Variants in SYT7 observed in about 807,000 individuals in gnomAD.
SYT7 encodes synaptotagmin-7.
SYT7 carries 29 observed loss-of-function variants against 75.1 expected under a neutral mutation model. That is an observed-to-expected ratio of 0.39 (90% CI 0.29 to 0.53). The LOEUF (loss-of-function observed/expected upper bound fraction) is 0.53. Among genes scored for constraint, SYT7 ranks in the 20% least tolerant of loss-of-function variants. SYT7 has a pLI of 0.77. For synonymous variants in SYT7, 376 were observed against 401.7 expected, an observed-to-expected ratio of 0.94 and a Z score of 0.76; for missense variants, 693 against 953.2, an observed-to-expected ratio of 0.73 and a Z score of 3.59.
At position 61,524,459 on chromosome 11, in the gene SYT7, G is replaced by A. The variant is rs541789402; in HGVS notation, c.1545C>T (p.Asn515=). The A allele has an allele frequency of 1.1e-5, 18 of 1,613,436 alleles. No individual in the cohort carries two copies. Among genetic ancestry groups the A allele is most frequent in the African/African-American group, 5.3e-5 (4 of 75,050 alleles). The change falls in exon 10 of 13, where the codon AAC becomes AAT. Residue 515 remains asparagine, a synonymous_variant. Transcript: ENST00000539008. The surrounding 1 kb of genome is among the most constrained non-coding windows in gnomAD (Gnocchi z 4.1). Reference sequence around the variant, plus strand: ...GGATGGACACCTCCCCAATGGGGTCGTTGCGGCTGAAGCGGTCATAGTCCA... The same window carrying A: ...GGATGGACACCTCCCCAATGGGGTCATTGCGGCTGAAGCGGTCATAGTCCA... ...QVLDYDRFSR[N]DPIGEVSIPL...
At chr11:61,536,026 A>G (rs2062860253) in intron 7 of SYT7, among the ~76,000 whole-genome samples, 2 of 151,934 alleles carry the variant, frequency 1.3e-5, no homozygotes, top group Admixed American at 6.6e-5. Context: ...TGGGAAGGGG[A>G]GAGTCTGCTG....
intron 1 of SYT7, among the ~76,000 whole-genome samples, chr11:61,559,362 C>T (rs2063580669): frequency 3.3e-5 from 5 of 152,038 alleles, no homozygotes; most frequent in Admixed American, 3.3e-4. Context: ...AGGCACATGG[C>T]GTGAGGAGCC....
chr11:61,520,018 C>G (rs1368655366), intron 12 of SYT7, among the ~76,000 whole-genome samples: 3 of 135,692 alleles, frequency 2.2e-5, no homozygotes, highest in African/African-American at 7.6e-5. Flanking sequence ...ATGGGTTTCA[C>G]TATGTTGGGC....
intron 12 of SYT7, among the ~76,000 whole-genome samples, chr11:61,519,860 G>A (rs1035761932): frequency 5.3e-5 from 8 of 152,032 alleles, no homozygotes; most frequent in African/African-American, 4.8e-5. Flanking sequence ...CACTCTTGTC[G>A]CCCAGGCTAG....
At chr11:61,565,898 G>A (rs943581618) in intron 1 of SYT7, among the ~76,000 whole-genome samples, 1 of 152,294 alleles carries the variant, frequency 6.6e-6, no homozygotes, top group Non-Finnish European at 1.5e-5. Context: ...TAGGGAGAGT[G>A]CGCTGGCTGG....
chr11:61,551,552 AG>A lies in SYT7; in HGVS notation c.136-90del. 7.3e-7 allele frequency: 1 copy of A among 1,370,812 alleles called. No homozygotes were observed. Among genetic ancestry groups the A allele is most frequent in the Non-Finnish European group, 1.0e-6 (1 of 973,538 alleles). 84.9% of individuals were successfully genotyped at this position (1,370,812 alleles called of 1,614,324 possible). A position where few individuals can be genotyped will look rare whatever the true frequency, so the allele number is the denominator to read the frequency against. On this transcript the variant is annotated intron_variant, in intron 2 of 12. Transcript: ENST00000539008. The surrounding 1 kb of genome is among the most constrained non-coding windows in gnomAD (Gnocchi z 5.3). ...ACAGGGACCCGGAGGGGAAGGAGAT[AG>A]ACTGGAGTCGGGCCGTGGCAACAAG... is the stretch of plus-strand genomic sequence containing the variant.
Position 61,545,852 on chromosome 11 carries a change from G to A in SYT7, c.572+179C>T, listed in dbSNP as rs1238491557. Among the ~76,000 whole-genome samples the A allele has an allele frequency of 2.0e-5, 3 of 152,242 alleles. No individual in the cohort carries two copies. The South Asian group carries it at 6.2e-4, about 31-fold the overall frequency. On this transcript the variant is annotated intron_variant, in intron 5 of 12. Coordinates refer to ENST00000539008, the MANE Select transcript of SYT7 (RefSeq NM_001365809.2). ...GGCTGAAATGCATCACTGTATGGCTGAGTTCGTCGTGCCAGATGGCAAGGA... is the reference window on the plus strand; with the variant it reads ...GGCTGAAATGCATCACTGTATGGCTAAGTTCGTCGTGCCAGATGGCAAGGA...
At chr11:61,541,455 C>T (rs1369177252) in intron 6 of SYT7, among the ~76,000 whole-genome samples, 3 of 151,606 alleles carry the variant, frequency 2.0e-5, no homozygotes, top group Admixed American at 1.3e-4. Flanking sequence ...AGGGGGTGGG[C>T]GAATGGCTGG....
At chr11:61,552,794 C>A (rs2063391018) in intron 2 of SYT7, among the ~76,000 whole-genome samples, 2 of 152,200 alleles carry the variant, frequency 1.3e-5, no homozygotes, top group African/African-American at 4.8e-5. Flanking sequence ...TCAGCCTAGC[C>A]AAGTGTCTTC....
At chr11:61,529,729 A>T (rs551544877) in intron 8 of SYT7, among the ~76,000 whole-genome samples, 1 of 152,250 alleles carries the variant, frequency 6.6e-6, no homozygotes, top group East Asian at 1.9e-4. Context: ...CCACCTCCCA[A>T]GGTCAAGCGA....
At position 61,514,504 on chromosome 11, in the gene SYT7, G is replaced by A. The variant is rs1214422326; in HGVS notation, c.*4123C>T. Among the ~76,000 whole-genome samples the A allele has an allele frequency of 6.6e-6, 1 of 152,236 alleles. No homozygotes were observed. The highest frequency in any genetic ancestry group is 1.5e-5 in the Non-Finnish European group (1 of 68,040). ...CAGGTGGACACATGACAATGGGGAT[G>A]TGCTCGTTCCTTTTGTGCCTGTGTC... On this transcript the variant is annotated 3_prime_UTR_variant, in exon 13 of 13. Transcript: ENST00000539008.
intron 7 of SYT7, among the ~76,000 whole-genome samples, chr11:61,535,966 TG>T (rs2062858646): frequency 6.6e-6 from 1 of 151,642 alleles, no homozygotes; most frequent in Non-Finnish European, 1.5e-5. Flanking sequence ...CTCAGAGGGG[TG>T]GGGCCCTAAG....
At chr11:61,569,417 C>T (rs2063860109) in intron 1 of SYT7, among the ~76,000 whole-genome samples, 1 of 152,024 alleles carries the variant, frequency 6.6e-6, no homozygotes, top group Non-Finnish European at 1.5e-5. Context: ...GGGAGGGACT[C>T]TGAAGTGGGA....
rs1339252801 is a variant in SYT7 at position 61,580,903 on chromosome 11, G to A, written c.-83C>T. 1.3e-5 allele frequency: 14 copies of A among 1,100,772 alleles called. No individual in the cohort carries two copies. In the East Asian group the frequency reaches 7.3e-4, roughly 58 times the overall value. The allele number at this position is 1,100,772 out of a possible 1,614,324, so 68.2% of individuals were successfully genotyped here. A position where few individuals can be genotyped will look rare whatever the true frequency, so the allele number is the denominator to read the frequency against. ...GCTCCGCCGCCGCCGCTGGGCATGG[G>A]GCCGGGCGACCCCCGGGGGCGGGTC... On this transcript the variant is annotated 5_prime_UTR_variant, in exon 1 of 13. Coordinates refer to ENST00000539008, the MANE Select transcript of SYT7 (RefSeq NM_001365809.2). The surrounding 1 kb of genome is among the most constrained non-coding windows in gnomAD (Gnocchi z 6.1).
upstream of SYT7, among the ~76,000 whole-genome samples, chr11:61,585,623 G>A (rs2064370211): frequency 6.6e-6 from 1 of 152,150 alleles, no homozygotes; most frequent in African/African-American, 2.4e-5. Flanking sequence ...CAAACTACTA[G>A]GAGGCAGCTG....
Position 61,547,592 on chromosome 11 carries a change from C to T in SYT7, c.216-284G>A, listed in dbSNP as rs1404298669. On this transcript the variant is annotated intron_variant, in intron 3 of 12. Transcript: ENST00000539008. ...ACACAGAAAGGAGGCAAGCGGCAGGCGGCAGACTGGAGCCTCGCACCTGGG... is the reference window on the plus strand; with the variant it reads ...ACACAGAAAGGAGGCAAGCGGCAGGTGGCAGACTGGAGCCTCGCACCTGGG... Among the ~76,000 whole-genome samples the T allele has an allele frequency of 2.7e-5, 4 of 150,600 alleles. No homozygotes were observed. In the South Asian group the frequency reaches 6.3e-4, roughly 24 times the overall value.
At chr11:61,521,365 G>A (rs1006457701) in intron 12 of SYT7, among the ~76,000 whole-genome samples, 3 of 152,252 alleles carry the variant, frequency 2.0e-5, no homozygotes, top group African/African-American at 7.2e-5. Context: ...GACACCAAGA[G>A]GCGAAGCTTC....
In SYT7 at chr11:61,533,689, G is replaced by C. The variant is rs957587758; in HGVS notation, c.1065-565C>G. The C allele has an allele frequency of 4.1e-6, 4 of 984,978 alleles. No homozygotes were observed. The African/African-American group carries it at 7.0e-5, about 17-fold the overall frequency. 61.0% of individuals were successfully genotyped at this position (984,978 alleles called of 1,614,324 possible). On this transcript the variant is annotated intron_variant, in intron 7 of 12. Transcript: ENST00000539008. ...GGTGAGGTCAGGACAACTCTCCACA[G>C]TGACAGAGTGTTCTGTATTTGTGCT... is the stretch of plus-strand genomic sequence containing the variant.
chr11:61,573,376 C>G (rs900797355), intron 1 of SYT7, among the ~76,000 whole-genome samples: 1 of 152,190 alleles, frequency 6.6e-6, no homozygotes, highest in African/African-American at 2.4e-5. Flanking sequence ...CCCTTACTGC[C>G]TATAATCTGC....
Sources: gnomAD v4.1 joint callset for allele counts (sites outside exome capture counted in the v4.1 genomes callset) on GRCh38, gnomAD v4.1.1 for gene constraint, Gnocchi (gnomAD v3.1) non-coding constraint, MANE v1.5 for transcripts, NCBI Gene and HGNC (gene_info 2026-07-23, HGNC 2026-07-21) for gene names.